The following NXNL1 variants were observed in gnomAD, a reference collection of about 807,000 sequenced individuals.
The protein encoded by NXNL1 is nucleoredoxin-like protein 1.
A neutral mutation model predicts 7.2 loss-of-function variants in NXNL1; 6 were observed. The observed-to-expected ratio is 0.83, with a 90% CI of 0.46 to 1.64. The LOEUF is 1.64. Among genes scored for constraint, NXNL1 ranks in the 40% most tolerant of loss-of-function variants. NXNL1 has a pLI of 0.01. For missense variants in NXNL1, 308 were observed against 285.1 expected, an observed-to-expected ratio of 1.08 and a Z score of -0.58; for synonymous variants, 133 against 127.2, an observed-to-expected ratio of 1.05 and a Z score of -0.31.
chr19:17,457,106 A>C (rs1001092077), intron 1 of NXNL1, among the ~76,000 whole-genome samples: 1 of 147,686 alleles, frequency 6.8e-6, no homozygotes, highest in Non-Finnish European at 1.5e-5. Flanking sequence ...AAAAAAAAAA[A>C]AAAATTGGAG....
intron 1 of NXNL1, among the ~76,000 whole-genome samples, chr19:17,459,708 G>A (rs758226179): frequency 2.6e-5 from 4 of 151,442 alleles, no homozygotes; most frequent in African/African-American, 9.7e-5. Context: ...GTGAGCCACC[G>A]TACCTGGCCT....
rs560093365 is a variant in NXNL1 at position 17,455,712 on chromosome 19, C to T, written c.574G>A (p.Ala192Thr). 167 of 1,530,200 alleles carry T rather than the reference C, an allele frequency of 1.1e-4. 1 individual carries two copies. The South Asian group carries it at 1.4e-3, about 13-fold the overall frequency. The allele number at this position is 1,530,200 out of a possible 1,614,324, so 94.8% of individuals were successfully genotyped here. A position where few individuals can be genotyped will look rare whatever the true frequency, so the allele number is the denominator to read the frequency against. ...RRHKYRVEKA[A>T]RGGRDPGGGG... The stretch of plus-strand genomic sequence containing the variant: ...CCCCCGGGGTCGCGCCCGCCTCGCG[C>T]CGCCTTTTCCACGCGGTACTTGTGG... Residue 192 changes from alanine (A) to threonine (T), a missense_variant, in exon 2 of 2, where the codon GCG becomes ACG. By Grantham distance (58) the Ala-to-Thr change is moderately conservative (BLOSUM62 0). Transcript: ENST00000301944.
intron 1 of NXNL1, 146 bp downstream of exon 1, chr19:17,460,398 G>A: frequency 1.2e-6 from 1 of 824,148 alleles, no homozygotes. Context: ...GCCAGCATGT[G>A]GAAGTGGGCA....
At chr19:17,456,603 C>T (rs2074994272) in intron 1 of NXNL1, among the ~76,000 whole-genome samples, 1 of 152,054 alleles carries the variant, frequency 6.6e-6, no homozygotes, top group African/African-American at 2.4e-5. Context: ...TCCTGCTTGG[C>T]CGGCGTGGTG....
intron 1 of NXNL1, among the ~76,000 whole-genome samples, chr19:17,459,851 CAGGCAT>C (rs1367620890): frequency 1.3e-5 from 2 of 152,260 alleles, no homozygotes; most frequent in African/African-American, 4.8e-5. Context: ...GCTAGGACTA[CAGGCAT>C]GAGCCACCGT....
In NXNL1 at chr19:17,460,920, G is replaced by A. The variant is rs1439287781; in HGVS notation, c.-51C>T. 1 of 1,552,420 alleles carries A rather than the reference G, an allele frequency of 6.4e-7. No individual in the cohort carries two copies. The highest frequency in any genetic ancestry group is 1.1e-5 in the South Asian group (1 of 89,754). ...CAGCGCGGCGTGTGGTCCCCGGTCT[G>A]CTGACTGGCTCCTCTCCCAGAAATA... On this transcript the variant is annotated 5_prime_UTR_variant, in exon 1 of 2. Transcript: ENST00000301944.
At chr19:17,456,617 C>A (rs1038441882) in intron 1 of NXNL1, among the ~76,000 whole-genome samples, 1 of 152,080 alleles carries the variant, frequency 6.6e-6, no homozygotes. Context: ...CGTGGTGGCT[C>A]ATGCCTGTAA....
In NXNL1 at chr19:17,460,804, C is replaced by T. The variant is rs199712483; in HGVS notation, c.66G>A (p.Thr22=). 1.1e-4 allele frequency: 179 copies of T among 1,613,866 alleles called. No homozygotes were observed. The highest frequency in any genetic ancestry group is 9.9e-4 in the South Asian group (90 of 91,084). Residue 22 remains threonine (T), a synonymous_variant, in exon 1 of 2, where the codon ACG becomes ACA. Transcript: ENST00000301944. ...RNNSDQDELD[T]EAEVSRRLEN... is the part of the protein sequence containing the mutation. The stretch of plus-strand genomic sequence containing the variant: ...CCAGCCTGCGACTGACCTCAGCCTC[C>T]GTATCCAGCTCGTCCTGGTCGCTAT...
At chr19:17,458,045 T>C (rs2074999153) in intron 1 of NXNL1, among the ~76,000 whole-genome samples, 1 of 152,142 alleles carries the variant, frequency 6.6e-6, no homozygotes, top group Admixed American at 6.6e-5. Flanking sequence ...TACGTGTATA[T>C]AGACACGTAT....
intron 1 of NXNL1, among the ~76,000 whole-genome samples, chr19:17,457,486 G>A (rs867578078): frequency 8.2e-4 from 125 of 151,666 alleles, no homozygotes; most frequent in Middle Eastern, 3.4e-3. Flanking sequence ...ATCCTATAGC[G>A]TCAGCCTCCT....
rs778126967 is a variant in NXNL1 at position 17,455,827 on chromosome 19, C to T, written c.459G>A (p.Gln153=). The T allele has an allele frequency of 8.2e-6, 13 of 1,583,166 alleles. No homozygotes were observed. Among genetic ancestry groups the T allele is most frequent in the Admixed American group, 1.8e-5 (1 of 57,038 alleles). ...TGCGGTCCAGCACCTCGGCCGCCTCCTGCCAGTTGGCGAAGCAGGCGGTGC... is the reference window on the plus strand; with the variant it reads ...TGCGGTCCAGCACCTCGGCCGCCTCTTGCCAGTTGGCGAAGCAGGCGGTGC... ...RLGTACFANW[Q]EAAEVLDRNF... The change falls in exon 2 of 2, where the codon CAG becomes CAA. Residue 153 remains glutamine, a synonymous_variant. Coordinates refer to ENST00000301944, the MANE Select transcript of NXNL1 (RefSeq NM_138454.2).
chr19:17,456,934 A>G (rs1353667850), intron 1 of NXNL1, among the ~76,000 whole-genome samples: 2 of 151,986 alleles, frequency 1.3e-5, no homozygotes, highest in African/African-American at 4.8e-5. Context: ...CTGTAGTCCC[A>G]GCTACTCGGA....
At chr19:17,459,798 A>G (rs2075006092) in intron 1 of NXNL1, among the ~76,000 whole-genome samples, 1 of 151,892 alleles carries the variant, frequency 6.6e-6, no homozygotes, top group African/African-American at 2.4e-5. Flanking sequence ...TGCAGCCTCA[A>G]ACTCTAGGCT....
Position 17,455,594 on chromosome 19 carries a change from G to GT in NXNL1, c.*52dup. ...GGGATTACAGGCGTGCGGGGGTGGG[G>GT]TGGGGGTGGAGGTTCATCAACAAAC... On this transcript the variant is annotated 3_prime_UTR_variant, in exon 2 of 2. Transcript: ENST00000301944. 9.0e-7 allele frequency: 1 copy of GT among 1,106,662 alleles called. No individual in the cohort carries two copies. The highest frequency in any genetic ancestry group is 1.3e-6 in the Non-Finnish European group (1 of 777,534). 68.6% of individuals were successfully genotyped at this position (1,106,662 alleles called of 1,614,324 possible).
chr19:17,459,968 C>T (rs536584562), intron 1 of NXNL1, among the ~76,000 whole-genome samples: 1 of 152,068 alleles, frequency 6.6e-6, no homozygotes, highest in African/African-American at 2.4e-5. Context: ...CACTTTGTGG[C>T]CTAGCTTTGT....
chr19:17,460,924 A>T lies in NXNL1; in HGVS notation c.-55T>A, dbSNP rs2075010877. On this transcript the variant is annotated 5_prime_UTR_variant, in exon 1 of 2. Transcript: ENST00000301944. ...GCGGCGTGTGGTCCCCGGTCTGCTG[A>T]CTGGCTCCTCTCCCAGAAATAGAAA... is the stretch of plus-strand genomic sequence containing the variant. 16 of 1,548,420 alleles carry T rather than the reference A, an allele frequency of 1.0e-5. No homozygotes were observed. Among genetic ancestry groups the T allele is most frequent in the Non-Finnish European group, 1.4e-5 (16 of 1,130,068 alleles).
chr19:17,459,790 C>T (rs777980957), intron 1 of NXNL1, among the ~76,000 whole-genome samples: 47 of 152,142 alleles, frequency 3.1e-4, no homozygotes, highest in Non-Finnish European at 5.6e-4. Context: ...TAGCTCACTG[C>T]AGCCTCAAAC....
At chr19:17,458,867 G>A (rs1568402797) in intron 1 of NXNL1, among the ~76,000 whole-genome samples, 1 of 151,958 alleles carries the variant, frequency 6.6e-6, no homozygotes, top group African/African-American at 2.4e-5. Context: ...CTCCCAAAGT[G>A]TGCTGGGATT....
chr19:17,455,663 G>GGCCCCCCC lies in NXNL1; in HGVS notation c.622_623insGGGGGGGC (p.Ala208GlyfsTer59). On this transcript the variant is annotated frameshift_variant, in exon 2 of 2. Coordinates refer to ENST00000301944, the MANE Select transcript of NXNL1 (RefSeq NM_138454.2). LOFTEE classifies it high-confidence loss of function. ...CCTAGCGGGTCAGAACAGCCCCCCG[G>GGCCCCCCC]CCCCGCCCTCCTCCCCACCCCCTCC... 4 of 771,714 alleles carry GGCCCCCCC rather than the reference G, an allele frequency of 5.2e-6. No individual in the cohort carries two copies. The highest frequency in any genetic ancestry group is 8.6e-6 in the Non-Finnish European group (4 of 464,466). The allele number at this position is 771,714 out of a possible 1,614,324, so 47.8% of individuals were successfully genotyped here. A position where few individuals can be genotyped will look rare whatever the true frequency, so the allele number is the denominator to read the frequency against.
Sources: allele counts gnomAD v4.1 joint callset (sites outside exome capture counted in the v4.1 genomes callset), GRCh38; gene constraint gnomAD v4.1.1; transcripts MANE v1.5; gene names NCBI Gene and HGNC (gene_info 2026-07-23, HGNC 2026-07-21).